MYO1B: variants seen among roughly 807,000 people sequenced by gnomAD.
MYO1B encodes myosin IB.
In MYO1B, 72 loss-of-function variants were observed where a neutral mutation model predicts 159.7. That is an observed-to-expected ratio of 0.45 (90% CI 0.37 to 0.55). The LOEUF (loss-of-function observed/expected upper bound fraction) is 0.55. Among genes scored for constraint, MYO1B ranks in the 20% least tolerant of loss-of-function variants. The probability of loss-of-function intolerance (pLI) is 0.00; values close to 1 mark genes in which losing one functional copy is unlikely to be tolerated. For synonymous variants in MYO1B, 468 were observed against 473.8 expected, an observed-to-expected ratio of 0.99 and a Z score of 0.16; for missense variants, 1,062 against 1,364.8, an observed-to-expected ratio of 0.78 and a Z score of 3.50.
intron 13 of MYO1B, chr2:191,371,114 A>G (rs1210110314): frequency 6.6e-6 from 1 of 152,196 alleles, no homozygotes; most frequent in Non-Finnish European, 1.5e-5. Flanking sequence ...TAAAACATTT[A>G]TTCTCACTTT....
intron 3 of MYO1B, among the ~76,000 whole-genome samples, chr2:191,311,215 G>GT (rs1490956552): frequency 1.3e-5 from 2 of 152,160 alleles, no homozygotes; most frequent in African/African-American, 4.8e-5. Context: ...AGAGGAATAA[G>GT]TTAGAGTATA....
intron 14 of MYO1B, among the ~76,000 whole-genome samples, chr2:191,382,792 T>G (rs1194370768): frequency 3.3e-5 from 5 of 152,234 alleles, no homozygotes; most frequent in African/African-American, 1.2e-4. Context: ...TGGCCTGTTT[T>G]TTTTAACACT....
rs1032022176 is a variant in MYO1B, at chr2:191,265,283, C to T, written c.-9-11604C>T. Among the ~76,000 whole-genome samples the T allele has an allele frequency of 1.3e-5, 2 of 151,354 alleles. 1 individual carries two copies. The highest frequency in any genetic ancestry group is 3.9e-4 in the East Asian group (2 of 5,164). ...TTTGTTCAGAACCAATCCGGAGTGG[C>T]CTCCAAAACTAATGGGTAGAGGAAA... On this transcript the variant is annotated intron_variant, in intron 1 of 30. Coordinates refer to ENST00000392318, the MANE Select transcript of MYO1B (RefSeq NM_001130158.3).
Position 191,262,404 on chromosome 2 carries a change from C to A in MYO1B, c.-9-14483C>A, listed in dbSNP as rs115903445. Reference sequence around the variant, plus strand: ...TTGCCAACAAATTCAGACTGCCCATCCTCTGCTTAAGCCTCCTTTAAATTT... The same window carrying A: ...TTGCCAACAAATTCAGACTGCCCATACTCTGCTTAAGCCTCCTTTAAATTT... On this transcript the variant is annotated intron_variant, in intron 1 of 30. Transcript: ENST00000392318. Among the ~76,000 whole-genome samples the A allele has an allele frequency of 5.7e-3, 870 of 152,272 alleles. 5 individuals are homozygous for A. The highest frequency in any genetic ancestry group is 0.02 in the African/African-American group (823 of 41,544).
At chr2:191,255,463 A>C (rs1163504889) in intron 1 of MYO1B, among the ~76,000 whole-genome samples, 1 of 152,146 alleles carries the variant, frequency 6.6e-6, no homozygotes, top group Non-Finnish European at 1.5e-5. Flanking sequence ...CAGCTGCCTG[A>C]AGGATGAGTT....
intron 7 of MYO1B, among the ~76,000 whole-genome samples, chr2:191,357,050 C>G (rs1693339066): frequency 6.6e-6 from 1 of 152,128 alleles, no homozygotes; most frequent in South Asian, 2.1e-4. Context: ...GAATTTGGAC[C>G]ACTTCTTTTT....
intron 7 of MYO1B, among the ~76,000 whole-genome samples, chr2:191,356,360 G>GTT (rs1693287949): frequency 1.2e-5 from 1 of 86,698 alleles, no homozygotes; most frequent in African/African-American, 4.2e-5. Context: ...TTTTTTTTGA[G>GTT]TTTTGAGTTT....
intron 3 of MYO1B, among the ~76,000 whole-genome samples, chr2:191,297,467 A>G (rs943778630): frequency 3.3e-5 from 5 of 152,218 alleles, no homozygotes; most frequent in Admixed American, 2.0e-4. Flanking sequence ...GGTGTCAAGC[A>G]TTCTACAAAG....
At chr2:191,366,452 T>G (rs72918519) in intron 11 of MYO1B, among the ~76,000 whole-genome samples, 8,568 of 152,196 alleles carry the variant, frequency 0.056, 317 homozygotes, top group Non-Finnish European at 0.083. Flanking sequence ...TGGGAGGTTT[T>G]GATTGCTGTG....
At chr2:191,404,174 G>A (rs1211658265) in intron 24 of MYO1B, among the ~76,000 whole-genome samples, 2 of 152,036 alleles carry the variant, frequency 1.3e-5, no homozygotes, top group African/African-American at 2.4e-5. Flanking sequence ...CCTCTCAAAT[G>A]ATTGACTTTT....
chr2:191,422,469 G>T (rs1459163725), intron 30 of MYO1B, among the ~76,000 whole-genome samples: 1 of 152,114 alleles, frequency 6.6e-6, no homozygotes, highest in Non-Finnish European at 1.5e-5. Context: ...TGGTCCACAT[G>T]ATACACTGAG....
intron 16 of MYO1B, among the ~76,000 whole-genome samples, chr2:191,386,679 A>G (rs1247688788): frequency 2.0e-5 from 3 of 152,156 alleles, no homozygotes; most frequent in Non-Finnish European, 4.4e-5. Flanking sequence ...TCAAAGGGAA[A>G]AAAACTTCTT....
chr2:191,343,707 C>T (rs1692376708), intron 5 of MYO1B, among the ~76,000 whole-genome samples: 1 of 152,164 alleles, frequency 6.6e-6, no homozygotes, highest in Non-Finnish European at 1.5e-5. Flanking sequence ...CTGAGGAATG[C>T]TGTAGCCTGC....
chr2:191,305,287 G>T (rs532881347), intron 3 of MYO1B, among the ~76,000 whole-genome samples: 1 of 152,272 alleles, frequency 6.6e-6, no homozygotes, highest in African/African-American at 2.4e-5. Context: ...GTCTGAACAG[G>T]GGCTGACAAA....
Position 191,414,180 on chromosome 2 carries a change from G to C in MYO1B, c.3006G>C (p.Lys1002Asn), listed in dbSNP as rs1697419218. The part of the protein sequence containing the change: ...VVNKINRANG[K>N]STSRIFLLTN... ...ACAAAATTAACCGTGCTAATGGGAAGGTAAAAATGCTAACCTTGAAGACTG... is the reference window on the plus strand; with the variant it reads ...ACAAAATTAACCGTGCTAATGGGAACGTAAAAATGCTAACCTTGAAGACTG... The change falls in exon 28 of 31, where the codon AAG (lysine) becomes AAC (asparagine). Residue 1002 changes from lysine to asparagine, a missense_variant and splice_region_variant. Physicochemically the swap from Lys to Asn is moderately conservative, Grantham distance 94. This residue lies in a region of MYO1B where 609 missense variants were observed against 744.4 expected (regional missense o/e 0.82). Transcript: ENST00000392318. The C allele has an allele frequency of 2.5e-6, 4 of 1,609,456 alleles. No homozygotes were observed.
At chr2:191,342,255 T>C (rs958099470) in intron 5 of MYO1B, among the ~76,000 whole-genome samples, 7 of 152,304 alleles carry the variant, frequency 4.6e-5, no homozygotes, top group Admixed American at 3.9e-4. Context: ...GAGCAAGCTC[T>C]CTGGAATCTC....
chr2:191,308,660 A>G (rs1195880288), intron 3 of MYO1B, among the ~76,000 whole-genome samples: 1 of 152,154 alleles, frequency 6.6e-6, no homozygotes, highest in Non-Finnish European at 1.5e-5. Flanking sequence ...AACTGTTTGA[A>G]AAGTTGGGTA....
At chr2:191,341,096 C>T (rs930952075) in intron 4 of MYO1B, among the ~76,000 whole-genome samples, 3 of 152,012 alleles carry the variant, frequency 2.0e-5, no homozygotes, top group Non-Finnish European at 2.9e-5. Flanking sequence ...TTTAAAAATA[C>T]GTTTGGTAAA....
intron 2 of MYO1B, among the ~76,000 whole-genome samples, chr2:191,282,119 C>G (rs1284157030): frequency 1.3e-5 from 2 of 152,202 alleles, no homozygotes; most frequent in Non-Finnish European, 2.9e-5. Flanking sequence ...TTCATTTATA[C>G]ACATGAAAAT....
Sources: allele counts gnomAD v4.1 joint callset (sites outside exome capture counted in the v4.1 genomes callset), GRCh38; gene constraint gnomAD v4.1.1; regional missense constraint gnomAD v4.1.1; transcripts MANE v1.5; gene names NCBI Gene and HGNC (gene_info 2026-07-23, HGNC 2026-07-21).